MYO9B: variants seen among roughly 807,000 people sequenced by gnomAD.
The protein encoded by MYO9B is myosin IXB.
Under a neutral mutation model 229.5 loss-of-function variants are expected in MYO9B, and 71 were observed. The observed-to-expected ratio is 0.31, with a 90% CI of 0.26 to 0.38. The LOEUF (loss-of-function observed/expected upper bound fraction) is 0.38, where lower values mean the gene tolerates loss of function less well. MYO9B is among the 10% of genes least tolerant of loss of function. The pLI is 1.00. For missense variants in MYO9B, 2,255 were observed against 2,920.5 expected (o/e 0.77, Z 5.25); for synonymous variants, 1,185 against 1,235.8 (o/e 0.96, Z 0.86).
Position 17,211,950 on chromosome 19 carries a change from CACCGTG to C in MYO9B, c.6115_6120del (p.Thr2039_Val2040del). 6.4e-7 allele frequency: 1 copy of C among 1,560,596 alleles called. No individual in the cohort carries two copies. Among genetic ancestry groups the C allele is most frequent in the Non-Finnish European group, 8.7e-7 (1 of 1,153,102 alleles). ...GCGCGCCCACCCCGAGCCCCCTCCC[CACCGTG>C]GCCGCCCCTCCACGACGAAGGCCGT... On this transcript the variant is annotated inframe_deletion, in exon 40 of 40. Coordinates refer to ENST00000682292, the MANE Select transcript of MYO9B (RefSeq NM_004145.4).
At chr19:17,203,337 A>AG in intron 30 of MYO9B, 79 bp downstream of exon 30, 1 of 1,140,814 alleles carries the variant, frequency 8.8e-7, no homozygotes. Flanking sequence ...CTTCAGGGCC[A>AG]GGCGGGGTGG....
intron 30 of MYO9B, among the ~76,000 whole-genome samples, chr19:17,204,815 CAG>C (rs1210092842): frequency 1.3e-5 from 2 of 151,988 alleles, no homozygotes; most frequent in African/African-American, 4.8e-5. Context: ...GCCTGGGTGA[CAG>C]AGTGAGACCC....
chr19:17,175,379 G>T (rs2072774986), intron 13 of MYO9B, among the ~76,000 whole-genome samples: 1 of 151,654 alleles, frequency 6.6e-6, no homozygotes, highest in African/African-American at 2.4e-5. Flanking sequence ...GAGGTCAGGA[G>T]TTCAAGACCA....
chr19:17,197,723 A>G, intron 22 of MYO9B, 69 bp from the exon 23 acceptor site: 27 of 1,576,704 alleles, frequency 1.7e-5, no homozygotes, highest in Non-Finnish European at 2.4e-5. Context: ...GAACCCAAGA[A>G]CCACTAAGAC....
chr19:17,200,889 G>A, intron 26 of MYO9B, 60 bp downstream of exon 26: 1 of 1,555,284 alleles, frequency 6.4e-7, no homozygotes, highest in Non-Finnish European at 8.8e-7. Flanking sequence ...AACCATCACA[G>A]CCAGGCATTG....
At chr19:17,194,476 TG>T (rs2073019030) in intron 21 of MYO9B, 79 bp from the exon 22 acceptor site, 1 of 1,504,512 alleles carries the variant, frequency 6.6e-7, no homozygotes, top group Non-Finnish European at 9.0e-7. Flanking sequence ...GCCCGCAGGC[TG>T]GGGGTCCCAT....
intron 14 of MYO9B, among the ~76,000 whole-genome samples, chr19:17,179,046 A>AC (rs1599397300): frequency 6.6e-6 from 1 of 151,470 alleles, no homozygotes; most frequent in East Asian, 1.9e-4. Context: ...AAAAAAAAAA[A>AC]AACTAGGGTT....
chr19:17,151,569 C>T (rs959713675), intron 3 of MYO9B, among the ~76,000 whole-genome samples: 8 of 152,154 alleles, frequency 5.3e-5, no homozygotes, highest in Non-Finnish European at 2.9e-5. Flanking sequence ...TATGAATGGC[C>T]AGCAAGCACA....
chr19:17,101,944 G>C lies in MYO9B; in HGVS notation c.227G>C (p.Trp76Ser). 2 of 1,613,524 alleles carry C rather than the reference G, an allele frequency of 1.2e-6. No individual in the cohort carries two copies. The highest frequency in any genetic ancestry group is 2.2e-5 in the South Asian group (2 of 91,072). The change falls in exon 2 of 40, where the codon TGG becomes TCG. Residue 76 changes from tryptophan (W) to serine (S), a missense_variant. By Grantham distance (177) the Trp-to-Ser change is radical. Transcript: ENST00000682292. The surrounding 1 kb of genome is among the most constrained non-coding windows in gnomAD (Gnocchi z 4.7). ...VEVKESGGEEWVLDANDSPVH... is the reference protein window; with the variant it reads ...VEVKESGGEESVLDANDSPVH... ...GTCAAAGAGTCGGGAGGCGAGGAAT[G>C]GGTGCTGGACGCCAACGACTCGCCT...
intron 1 of MYO9B, among the ~76,000 whole-genome samples, chr19:17,085,546 A>G (rs188092865): frequency 1.8e-3 from 267 of 152,234 alleles, no homozygotes; most frequent in Non-Finnish European, 2.6e-3. Context: ...TGTTCTAGCC[A>G]GGGGCAGTGG....
chr19:17,167,724 C>T (rs1208604110), intron 10 of MYO9B, among the ~76,000 whole-genome samples: 1 of 152,122 alleles, frequency 6.6e-6, no homozygotes, highest in Non-Finnish European at 1.5e-5. Context: ...GGTGATCCAC[C>T]TGCCTTGGCC....
chr19:17,199,950 C>T (rs926303322), intron 24 of MYO9B, among the ~76,000 whole-genome samples: 3 of 151,896 alleles, frequency 2.0e-5, no homozygotes, highest in Non-Finnish European at 2.9e-5. Flanking sequence ...CTGCAACCTG[C>T]AACCTCCACC....
intron 1 of MYO9B, among the ~76,000 whole-genome samples, chr19:17,085,175 A>G (rs1194535735): frequency 6.6e-6 from 1 of 152,150 alleles, no homozygotes; most frequent in Non-Finnish European, 1.5e-5. Flanking sequence ...GGTGGCAGCA[A>G]ATCCTGAGAC....
At chr19:17,207,707 C>T (rs1045544799) in intron 35 of MYO9B, 2 of 152,094 alleles carry the variant, frequency 1.3e-5, no homozygotes, top group African/African-American at 4.8e-5. Context: ...GAGACCCCAT[C>T]TCTATTAAAA....
intron 14 of MYO9B, among the ~76,000 whole-genome samples, chr19:17,176,972 G>A (rs1271862765): frequency 6.6e-6 from 1 of 152,136 alleles, no homozygotes; most frequent in Non-Finnish European, 1.5e-5. Context: ...AGACCAAGGC[G>A]GGCGGATCAC....
chr19:17,152,450 C>T (rs1453704386), intron 3 of MYO9B, 194 bp from the exon 4 acceptor site: 2 of 464,300 alleles, frequency 4.3e-6, no homozygotes, highest in Non-Finnish European at 7.7e-6. Context: ...TTCCAACCAA[C>T]CACTGTGGGG....
chr19:17,130,461 A>G (rs984570231), intron 2 of MYO9B, among the ~76,000 whole-genome samples: 4 of 152,064 alleles, frequency 2.6e-5, no homozygotes, highest in African/African-American at 9.7e-5. Flanking sequence ...ACTAAAAAAA[A>G]TACAAAAAAT....
intron 1 of MYO9B, among the ~76,000 whole-genome samples, chr19:17,097,114 G>T (rs1000154307): frequency 6.6e-6 from 1 of 151,874 alleles, no homozygotes; most frequent in Non-Finnish European, 1.5e-5. Context: ...GACCAGCCTA[G>T]TCAACATGGC....
intron 1 of MYO9B, among the ~76,000 whole-genome samples, chr19:17,078,532 G>A (rs1568647940): frequency 6.6e-6 from 1 of 151,970 alleles, no homozygotes; most frequent in African/African-American, 2.4e-5. Context: ...AGAGCAAGAT[G>A]CCCTCAAAAA....
Sources: allele counts gnomAD v4.1 joint callset (sites outside exome capture counted in the v4.1 genomes callset), GRCh38; gene constraint gnomAD v4.1.1; non-coding constraint Gnocchi (gnomAD v3.1); transcripts MANE v1.5; gene names NCBI Gene and HGNC (gene_info 2026-07-23, HGNC 2026-07-21).